Variants in PKP4 observed in about 807,000 individuals in gnomAD.
The protein encoded by PKP4 is plakophilin 4.
Under a neutral mutation model 145.1 loss-of-function variants are expected in PKP4, and 90 were observed. The observed-to-expected ratio is 0.62, with a 90% CI of 0.52 to 0.74. The LOEUF (loss-of-function observed/expected upper bound fraction) is 0.74. PKP4 is among the 30% of genes least tolerant of loss of function. PKP4 has a pLI of 0.00. For missense variants in PKP4, 1,340 were observed against 1,482.7 expected (o/e 0.90, Z 1.58); for synonymous variants, 563 against 577.2 (o/e 0.98, Z 0.35).
At chr2:158,533,684 T>G (rs1329125574) in intron 2 of PKP4, 1 of 342,502 alleles carries the variant, frequency 2.9e-6, no homozygotes, top group Non-Finnish European at 5.8e-6. Context: ...GCGTTAGGTA[T>G]TTTGAACATT....
chr2:158,672,762 A>G (rs1276537027), intron 17 of PKP4, among the ~76,000 whole-genome samples: 1 of 152,174 alleles, frequency 6.6e-6, no homozygotes, highest in Non-Finnish European at 1.5e-5. Context: ...TTAGCAACCC[A>G]TGTTCTGTTA....
intron 1 of PKP4, among the ~76,000 whole-genome samples, chr2:158,532,656 T>C (rs1315313043): frequency 6.6e-6 from 1 of 152,096 alleles, no homozygotes; most frequent in East Asian, 1.9e-4. Context: ...TCATAAGCTA[T>C]GGGCCTAAAA....
At chr2:158,622,006 A>C (rs747154908) in intron 6 of PKP4, among the ~76,000 whole-genome samples, 25 of 152,150 alleles carry the variant, frequency 1.6e-4, no homozygotes, top group Non-Finnish European at 2.9e-4. Context: ...AGAAGAGTCT[A>C]AGGGGAATGT....
chr2:158,644,519 T>G (rs1181961604), intron 11 of PKP4, among the ~76,000 whole-genome samples: 2 of 152,214 alleles, frequency 1.3e-5, no homozygotes, highest in Non-Finnish European at 2.9e-5. Context: ...GTTACATCAA[T>G]GGCAGTACTC....
At chr2:158,608,074 C>T (rs1486356740) in intron 4 of PKP4, among the ~76,000 whole-genome samples, 1 of 152,108 alleles carries the variant, frequency 6.6e-6, no homozygotes, top group Non-Finnish European at 1.5e-5. Flanking sequence ...ATTTATAACG[C>T]AAAGGATAAA....
At chr2:158,538,108 G>T (rs907003225) in intron 2 of PKP4, among the ~76,000 whole-genome samples, 1 of 152,170 alleles carries the variant, frequency 6.6e-6, no homozygotes, top group African/African-American at 2.4e-5. Flanking sequence ...TCATTGAAAT[G>T]CACAGCACAC....
At chr2:158,585,890 CAAA>C (rs370996666) in intron 3 of PKP4, among the ~76,000 whole-genome samples, 2 of 133,234 alleles carry the variant, frequency 1.5e-5, no homozygotes, top group South Asian at 4.8e-4. Context: ...TTTATCATTC[CAAA>C]AAAAAAAAAA....
chr2:158,535,276 C>T (rs1574351348), intron 2 of PKP4, among the ~76,000 whole-genome samples: 1 of 152,080 alleles, frequency 6.6e-6, no homozygotes, highest in African/African-American at 2.4e-5. Context: ...AACTAATTAC[C>T]ATTCACCTTA....
At chr2:158,547,955 C>T (rs2045232884) in intron 2 of PKP4, among the ~76,000 whole-genome samples, 2 of 152,190 alleles carry the variant, frequency 1.3e-5, no homozygotes, top group Non-Finnish European at 2.9e-5. Context: ...TGTGCTGAGG[C>T]TGGGTGAAGC....
At chr2:158,624,657 C>T (rs2052578094) in intron 6 of PKP4, among the ~76,000 whole-genome samples, 1 of 140,770 alleles carries the variant, frequency 7.1e-6, no homozygotes, top group African/African-American at 2.7e-5. Context: ...TTAATTTTAG[C>T]ATTTGGTTTA....
chr2:158,498,470 C>T (rs757432712), intron 1 of PKP4, among the ~76,000 whole-genome samples: 1 of 152,148 alleles, frequency 6.6e-6, no homozygotes, highest in Non-Finnish European at 1.5e-5. Flanking sequence ...AACATTTTAT[C>T]ATGTTATCAG....
At chr2:158,623,365 T>C (rs1425081980) in intron 6 of PKP4, among the ~76,000 whole-genome samples, 1 of 152,106 alleles carries the variant, frequency 6.6e-6, no homozygotes, top group Non-Finnish European at 1.5e-5. Flanking sequence ...TTGTTTTTTG[T>C]AGAGGCTGGG....
At chr2:158,554,090 GC>G (rs758324204) in intron 2 of PKP4, among the ~76,000 whole-genome samples, 8 of 152,158 alleles carry the variant, frequency 5.3e-5, no homozygotes, top group East Asian at 1.9e-4. Context: ...CATTCTCCTT[GC>G]CCCCCGGTTG....
chr2:158,661,269 A>T, intron 12 of PKP4, 64 bp from the exon 13 acceptor site: 2 of 1,187,688 alleles, frequency 1.7e-6, no homozygotes, highest in Non-Finnish European at 2.5e-6. Flanking sequence ...CCTTAAGGTT[A>T]AGTCCACGTG....
At chr2:158,596,742 C>A (rs968996837) in intron 3 of PKP4, among the ~76,000 whole-genome samples, 8 of 152,088 alleles carry the variant, frequency 5.3e-5, no homozygotes, top group African/African-American at 1.9e-4. Flanking sequence ...TTAAAGAGAT[C>A]ATCTGTCATG....
intron 1 of PKP4, among the ~76,000 whole-genome samples, chr2:158,524,532 C>G (rs1473981907): frequency 2.2e-5 from 1 of 45,350 alleles, no homozygotes; most frequent in Non-Finnish European, 5.8e-5. Flanking sequence ...AAAATCATGC[C>G]AAAATGTAAA....
rs189559216 is a variant in PKP4 at position 158,591,748 on chromosome 2, T to C, written c.246-11322T>C. Among the ~76,000 whole-genome samples the C allele has an allele frequency of 1.5e-3, 226 of 152,228 alleles. 1 individual carries two copies. The highest frequency in any genetic ancestry group is 5.2e-3 in the African/African-American group (218 of 41,578). On this transcript the variant is annotated intron_variant, in intron 3 of 21. Coordinates refer to ENST00000389759, the MANE Select transcript of PKP4 (RefSeq NM_003628.6). ...AATGTCATTTATTAGCTCTAACTTT[T>C]ACCATTTAGAGATTATAAATTTACA...
rs1386556234 is a variant in PKP4 at position 158,638,862 on chromosome 2, A to G, written c.1563-1765A>G. Among the ~76,000 whole-genome samples, 3 of 152,220 alleles carry G rather than the reference A, an allele frequency of 2.0e-5. No homozygotes were observed. In the East Asian group the frequency reaches 5.8e-4, roughly 29 times the overall value. On this transcript the variant is annotated intron_variant, in intron 9 of 21. Coordinates refer to ENST00000389759, the MANE Select transcript of PKP4 (RefSeq NM_003628.6). ...AGCAGATGTATAGATTCCTGTGCAGATAGTGGGTAATCTGCATGACACCCA... is the reference window on the plus strand; with the variant it reads ...AGCAGATGTATAGATTCCTGTGCAGGTAGTGGGTAATCTGCATGACACCCA...
intron 4 of PKP4, 94 bp downstream of exon 4, chr2:158,603,198 C>G (rs1483995192): frequency 4.4e-6 from 3 of 682,340 alleles, no homozygotes; most frequent in South Asian, 2.3e-5. Context: ...ATAAGCCAAG[C>G]AAAGCCTTTA....
Sources: allele counts gnomAD v4.1 joint callset (sites outside exome capture counted in the v4.1 genomes callset), GRCh38; gene constraint gnomAD v4.1.1; transcripts MANE v1.5; gene names NCBI Gene and HGNC (gene_info 2026-07-23, HGNC 2026-07-21).